NKAIN2: variants seen among roughly 807,000 people sequenced by gnomAD.
NKAIN2 encodes sodium/potassium transporting ATPase interacting 2.
A neutral mutation model predicts 32.6 loss-of-function variants in NKAIN2; 14 were observed. That is an observed-to-expected ratio of 0.43 (90% CI 0.28 to 0.67). The LOEUF (loss-of-function observed/expected upper bound fraction) is 0.67, where lower values mean the gene tolerates loss of function less well. Ranked by LOEUF, NKAIN2 falls within the 30% of genes least tolerant of loss-of-function variation. NKAIN2 has a pLI of 0.17. For synonymous variants in NKAIN2, 80 were observed against 87.2 expected, an observed-to-expected ratio of 0.92 and a Z score of 0.46; for missense variants, 198 against 258.3, an observed-to-expected ratio of 0.77 and a Z score of 1.60.
At chr6:124,354,245 A>G (rs555624473) in intron 2 of NKAIN2, among the ~76,000 whole-genome samples, 1 of 152,212 alleles carries the variant, frequency 6.6e-6, no homozygotes, top group East Asian at 1.9e-4. Flanking sequence ...TGATTCTTGT[A>G]TAATAATGAT....
Position 124,542,261 on chromosome 6 carries a change from A to G in NKAIN2, c.274-115925A>G, listed in dbSNP as rs531088434. ...TAAAACTGGAATTTAAGAAGACAAA[A>G]TACTCTAGAAATGCTTGTTATCTCT... On this transcript the variant is annotated intron_variant, in intron 3 of 6. Coordinates refer to ENST00000368417, the MANE Select transcript of NKAIN2 (RefSeq NM_001040214.3). Among the ~76,000 whole-genome samples, 64 of 152,280 alleles carry G rather than the reference A, an allele frequency of 4.2e-4. 2 individuals carry two copies. In the South Asian group the frequency reaches 0.013, roughly 32 times the overall value.
At chr6:124,708,548 G>C (rs1419168408) in intron 4 of NKAIN2, among the ~76,000 whole-genome samples, 1 of 151,900 alleles carries the variant, frequency 6.6e-6, no homozygotes, top group Non-Finnish European at 1.5e-5. Context: ...TCCTTGAAGA[G>C]GTCCTTCACA....
intron 1 of NKAIN2, among the ~76,000 whole-genome samples, chr6:123,938,764 A>T (rs1370780724): frequency 6.6e-6 from 1 of 151,182 alleles, no homozygotes; most frequent in Non-Finnish European, 1.5e-5. Context: ...TAGACTGGTA[A>T]CTGTCTTAAC....
rs566170151 is a variant in NKAIN2 at position 124,124,952 on chromosome 6, A to C, written c.55-158053A>C. 6.8e-4 allele frequency among the ~76,000 whole-genome samples: 103 copies of C among 152,314 alleles called. 1 individual carries two copies. The highest frequency in any genetic ancestry group is 2.4e-3 in the African/African-American group (101 of 41,582). ...TATTCAAATAACAGGTCATAGGTAA[A>C]TATGAACTTGAATAAGTGCACAAAT... On this transcript the variant is annotated intron_variant, in intron 1 of 6. Transcript: ENST00000368417.
At chr6:124,356,344 C>G (rs549707878) in intron 3 of NKAIN2, among the ~76,000 whole-genome samples, 1 of 152,232 alleles carries the variant, frequency 6.6e-6, no homozygotes, top group Admixed American at 6.5e-5. Flanking sequence ...TCACAAAGCA[C>G]TCATCATGTG....
intron 3 of NKAIN2, among the ~76,000 whole-genome samples, chr6:124,651,610 G>A (rs1353318084): frequency 1.3e-5 from 2 of 152,120 alleles, no homozygotes; most frequent in Non-Finnish European, 1.5e-5. Flanking sequence ...ACTTGAGGCT[G>A]CTTAAGCCAC....
intron 1 of NKAIN2, among the ~76,000 whole-genome samples, chr6:124,027,613 G>A (rs1414226975): frequency 6.6e-6 from 1 of 152,100 alleles, no homozygotes; most frequent in African/African-American, 2.4e-5. Context: ...CCTTCCTACA[G>A]TGATATCATC....
intron 1 of NKAIN2, among the ~76,000 whole-genome samples, chr6:123,804,885 C>T (rs1438472963): frequency 6.6e-6 from 1 of 152,098 alleles, no homozygotes; most frequent in Non-Finnish European, 1.5e-5. Flanking sequence ...AACCAGTAAC[C>T]TTTAAATCAC....
In NKAIN2 at chr6:124,770,780, C is replaced by A. The variant is rs146934625; in HGVS notation, c.475-20559C>A. 5.9e-5 allele frequency among the ~76,000 whole-genome samples: 9 copies of A among 152,212 alleles called. No individual in the cohort carries two copies. The East Asian group carries it at 1.7e-3, about 29-fold the overall frequency. On this transcript the variant is annotated intron_variant, in intron 4 of 6. Transcript: ENST00000368417. Reference sequence around the variant, plus strand: ...TAAGCCTCCAGAGGAGTGACAGGTACTTTTGCACTAGCCCAATGATTCTTA... The same window carrying A: ...TAAGCCTCCAGAGGAGTGACAGGTAATTTTGCACTAGCCCAATGATTCTTA...
At chr6:124,111,510 A>G (rs990827798) in intron 1 of NKAIN2, among the ~76,000 whole-genome samples, 1 of 151,758 alleles carries the variant, frequency 6.6e-6, no homozygotes, top group Non-Finnish European at 1.5e-5. Flanking sequence ...TGTCTGATGT[A>G]CCCCTACTCT....
intron 4 of NKAIN2, among the ~76,000 whole-genome samples, chr6:124,684,781 C>T (rs117364169): frequency 8.3e-4 from 126 of 152,210 alleles, no homozygotes; most frequent in Non-Finnish European, 1.4e-3. Context: ...CATCTGGACA[C>T]CGAGTAAGTA....
chr6:124,601,934 G>A (rs759575131), intron 3 of NKAIN2, among the ~76,000 whole-genome samples: 1 of 151,900 alleles, frequency 6.6e-6, no homozygotes, highest in African/African-American at 2.4e-5. Context: ...TTATTTCCAA[G>A]CTGTCAGTCT....
chr6:124,186,280 AAG>A (rs927299657), intron 1 of NKAIN2, among the ~76,000 whole-genome samples: 3 of 151,926 alleles, frequency 2.0e-5, no homozygotes, highest in South Asian at 4.2e-4. Context: ...AGGAGAAAGA[AAG>A]AGAGAGAGAG....
intron 3 of NKAIN2, among the ~76,000 whole-genome samples, chr6:124,447,314 G>A (rs2875786): frequency 0.14 from 21,055 of 152,052 alleles, 4,488 homozygotes; most frequent in African/African-American, 0.46. Flanking sequence ...CTGGTAGTCA[G>A]TAGCCACTAA....
intron 1 of NKAIN2, among the ~76,000 whole-genome samples, chr6:123,842,101 T>C (rs746865106): frequency 2.3e-4 from 35 of 152,338 alleles, no homozygotes; most frequent in Non-Finnish European, 4.1e-4. Flanking sequence ...GTTGTTTCCC[T>C]AGCTCCAAGG....
At chr6:124,049,295 A>C (rs17086539) in intron 1 of NKAIN2, among the ~76,000 whole-genome samples, 1 of 152,058 alleles carries the variant, frequency 6.6e-6, no homozygotes, top group African/African-American at 2.4e-5. Flanking sequence ...GACTTTATGC[A>C]TTCTGGACTG....
chr6:124,570,515 G>A (rs990603038), intron 3 of NKAIN2, among the ~76,000 whole-genome samples: 1 of 152,156 alleles, frequency 6.6e-6, no homozygotes, highest in African/African-American at 2.4e-5. Flanking sequence ...GGTTGAAAGG[G>A]GCCAATGTAC....
chr6:124,416,505 G>A (rs946123418), intron 3 of NKAIN2, among the ~76,000 whole-genome samples: 40 of 152,114 alleles, frequency 2.6e-4, no homozygotes, highest in Non-Finnish European at 5.9e-5. Context: ...CAAGCGTGAT[G>A]GCATGCACCT....
chr6:123,812,210 A>G (rs1253250071), intron 1 of NKAIN2, among the ~76,000 whole-genome samples: 2 of 152,170 alleles, frequency 1.3e-5, no homozygotes, highest in Non-Finnish European at 2.9e-5. Context: ...TTAATCTTCC[A>G]TGGAACTAGC....
Sources: allele counts gnomAD v4.1 joint callset (sites outside exome capture counted in the v4.1 genomes callset), GRCh38; gene constraint gnomAD v4.1.1; transcripts MANE v1.5; gene names NCBI Gene and HGNC (gene_info 2026-07-23, HGNC 2026-07-21).